MTMR14: variants seen among roughly 807,000 people sequenced by gnomAD.
The protein encoded by MTMR14 is myotubularin related protein 14, also known as phosphatidylinositol-3,5-bisphosphate 3-phosphatase MTMR14.
MTMR14 carries 48 observed loss-of-function variants against 86.3 expected under a neutral mutation model. The observed-to-expected ratio is 0.56, with a 90% CI of 0.44 to 0.71. The LOEUF (loss-of-function observed/expected upper bound fraction) is 0.71. Among genes scored for constraint, MTMR14 ranks in the 30% least tolerant of loss-of-function variants. The probability of loss-of-function intolerance (pLI) is 0.00; values close to 1 mark genes in which losing one functional copy is unlikely to be tolerated. For synonymous variants in MTMR14, 366 were observed against 326.1 expected (o/e 1.12, Z -1.32); for missense variants, 780 against 834.6 (o/e 0.93, Z 0.81).
intron 17 of MTMR14, among the ~76,000 whole-genome samples, chr3:9,693,476 C>T (rs771182497): frequency 1.1e-4 from 17 of 152,158 alleles, no homozygotes; most frequent in Non-Finnish European, 2.2e-4. Context: ...AGAAGCCTTA[C>T]CAATAACATA....
At chr3:9,665,329 T>A (rs2048186941) in intron 3 of MTMR14, among the ~76,000 whole-genome samples, 1 of 150,588 alleles carries the variant, frequency 6.6e-6, no homozygotes, top group Non-Finnish European at 1.5e-5. Context: ...TAAATACATG[T>A]ACCCACAAAA....
chr3:9,687,473 T>G lies in MTMR14; in HGVS notation c.1165-348T>G, dbSNP rs532551389. 5.3e-5 allele frequency among the ~76,000 whole-genome samples: 8 copies of G among 152,032 alleles called. No homozygotes were observed. In the East Asian group the frequency reaches 1.5e-3, roughly 29 times the overall value. Reference sequence around the variant, plus strand: ...GGGAGGCTGAGGCAGGAGAGTGGCTTGAACCCAGGAGGCTGAGCTTGCAGT... The same window carrying G: ...GGGAGGCTGAGGCAGGAGAGTGGCTGGAACCCAGGAGGCTGAGCTTGCAGT... On this transcript the variant is annotated intron_variant, in intron 13 of 18. Coordinates refer to ENST00000296003, the MANE Select transcript of MTMR14 (RefSeq NM_001077525.3).
rs944503907 is a variant in MTMR14 at position 9,677,474 on chromosome 3, CAACAAGCAGTCTTTGGGGAAAAT to C, written c.822+91_822+113del. 2 of 1,191,318 alleles carry C rather than the reference CAACAAGCAGTCTTTGGGGAAAAT, an allele frequency of 1.7e-6. No homozygotes were observed. Among genetic ancestry groups the C allele is most frequent in the African/African-American group, 3.0e-5 (2 of 66,612 alleles). 73.8% of individuals were successfully genotyped at this position (1,191,318 alleles called of 1,614,324 possible). Reference sequence around the variant, plus strand: ...AACAACAAGCAGTCTTTGGGGAAAACAACAAGCAGTCTTTGGGGAAAATAACTCCCCTTTCCTCCCTGATTGTT... The same window carrying C: ...AACAACAAGCAGTCTTTGGGGAAAACAACTCCCCTTTCCTCCCTGATTGTT... On this transcript the variant is annotated intron_variant, in intron 8 of 18. Transcript: ENST00000296003. This position sits in a 1 kb window ranked among gnomAD's most constrained non-coding sequence, Gnocchi z 4.2.
At chr3:9,697,454 C>T (rs185605553) in intron 17 of MTMR14, among the ~76,000 whole-genome samples, 1 of 152,204 alleles carries the variant, frequency 6.6e-6, no homozygotes, top group Non-Finnish European at 1.5e-5. Context: ...TTCACTCTTA[C>T]TGCCATGCTT....
intron 3 of MTMR14, among the ~76,000 whole-genome samples, chr3:9,664,863 TCAA>T (rs1468327335): frequency 6.6e-6 from 1 of 152,202 alleles, no homozygotes; most frequent in African/African-American, 2.4e-5. Context: ...GTGACTGCAG[TCAA>T]CAATAATTTA....
intron 5 of MTMR14, among the ~76,000 whole-genome samples, chr3:9,670,766 C>G (rs570874292): frequency 3.3e-5 from 5 of 152,344 alleles, no homozygotes; most frequent in Admixed American, 2.0e-4. Context: ...TTTGAGTCTT[C>G]TGGCTTAATG....
chr3:9,680,217 C>T (rs984221038), intron 9 of MTMR14, among the ~76,000 whole-genome samples: 3 of 152,206 alleles, frequency 2.0e-5, no homozygotes, highest in East Asian at 3.8e-4. Context: ...TTTGCTCCCA[C>T]CACATCCATC....
Position 9,669,509 on chromosome 3 carries a change from T to C in MTMR14, c.554+17T>C. 2 of 1,610,530 alleles carry C rather than the reference T, an allele frequency of 1.2e-6. No individual in the cohort carries two copies. The highest frequency in any genetic ancestry group is 8.5e-7 in the Non-Finnish European group (1 of 1,177,974). ...TGCTCTTCGGTCAGTGCTGGGTTGC[T>C]GTGGTCAGGGGCTTGTGTTGGGGAT... is the stretch of plus-strand genomic sequence containing the variant. On this transcript the variant is annotated intron_variant, in intron 5 of 18. Transcript: ENST00000296003.
intron 9 of MTMR14, among the ~76,000 whole-genome samples, chr3:9,681,489 C>G (rs1465287126): frequency 6.6e-6 from 1 of 152,176 alleles, no homozygotes; most frequent in Non-Finnish European, 1.5e-5. Context: ...ACAGTTTTTA[C>G]CAGTGGTCAC....
At chr3:9,676,828 C>T (rs2075596699) in intron 7 of MTMR14, among the ~76,000 whole-genome samples, 1 of 152,134 alleles carries the variant, frequency 6.6e-6, no homozygotes, top group Admixed American at 6.5e-5. Context: ...AGGCACTGTC[C>T]GTGGGCCTTT....
intron 7 of MTMR14, among the ~76,000 whole-genome samples, chr3:9,674,498 C>G (rs976994190): frequency 2.6e-5 from 4 of 152,106 alleles, no homozygotes; most frequent in Non-Finnish European, 5.9e-5. Flanking sequence ...ATAGAAGAAT[C>G]GAAAATGGGC....
At chr3:9,650,818 C>T (rs553432889) in intron 1 of MTMR14, among the ~76,000 whole-genome samples, 5 of 149,514 alleles carry the variant, frequency 3.3e-5, no homozygotes, top group Admixed American at 2.0e-4. Context: ...GAAGGAGTCT[C>T]GCTTTGTCGC....
At chr3:9,689,825 G>C in intron 16 of MTMR14, 139 bp from the exon 17 acceptor site, 1 of 819,522 alleles carries the variant, frequency 1.2e-6, no homozygotes, top group Non-Finnish European at 1.9e-6. Flanking sequence ...GCCCTGAGCT[G>C]GAGAGAGTGC....
intron 9 of MTMR14, among the ~76,000 whole-genome samples, chr3:9,682,034 C>T (rs1472408520): frequency 6.6e-6 from 1 of 152,214 alleles, no homozygotes; most frequent in Non-Finnish European, 1.5e-5. Context: ...CCCTAGCCCA[C>T]CTGACGCTCA....
chr3:9,677,774 A>G lies in MTMR14; in HGVS notation c.823-210A>G, dbSNP rs975774449. 6.6e-6 allele frequency among the ~76,000 whole-genome samples: 1 copy of G among 152,194 alleles called. No homozygotes were observed. The highest frequency in any genetic ancestry group is 1.5e-5 in the Non-Finnish European group (1 of 68,038). On this transcript the variant is annotated intron_variant, in intron 8 of 18. Coordinates refer to ENST00000296003, the MANE Select transcript of MTMR14 (RefSeq NM_001077525.3). The surrounding 1 kb of genome is among the most constrained non-coding windows in gnomAD (Gnocchi z 4.2). Reference sequence around the variant, plus strand: ...GATCTTGCATGTTTCAGCAACAGACATCAAATGTCCGACTGAAAAACTCCT... The same window carrying G: ...GATCTTGCATGTTTCAGCAACAGACGTCAAATGTCCGACTGAAAAACTCCT...
intron 17 of MTMR14, among the ~76,000 whole-genome samples, chr3:9,696,456 G>T (rs1042441402): frequency 6.6e-6 from 1 of 152,220 alleles, no homozygotes; most frequent in Non-Finnish European, 1.5e-5. Flanking sequence ...AGGTTGCAGT[G>T]AGCTGAGATC....
Position 9,677,935 on chromosome 3 carries a change from C to T in MTMR14, c.823-49C>T. 3.2e-6 allele frequency: 5 copies of T among 1,578,862 alleles called. No homozygotes were observed. The highest frequency in any genetic ancestry group is 4.3e-6 in the Non-Finnish European group (5 of 1,149,882). On this transcript the variant is annotated intron_variant, in intron 8 of 18. Transcript: ENST00000296003. The surrounding 1 kb of genome is among the most constrained non-coding windows in gnomAD (Gnocchi z 4.2). ...ACTGCAAGCTTCCCCATCACCTAAGCCTCCTCTGGTGGCCAACCCACATCT... is the reference window on the plus strand; with the variant it reads ...ACTGCAAGCTTCCCCATCACCTAAGTCTCCTCTGGTGGCCAACCCACATCT...
intron 9 of MTMR14, among the ~76,000 whole-genome samples, chr3:9,679,330 G>T (rs1322033066): frequency 6.6e-6 from 1 of 152,228 alleles, no homozygotes; most frequent in African/African-American, 2.4e-5. Flanking sequence ...TCATGTCCCA[G>T]GCTGTGCCTA....
chr3:9,665,997 T>G (rs1161230063), intron 3 of MTMR14, among the ~76,000 whole-genome samples: 2 of 151,192 alleles, frequency 1.3e-5, no homozygotes, highest in Non-Finnish European at 3.0e-5. Flanking sequence ...AAAGTGCTGG[T>G]ATTACAGGCG....
Sources: allele counts gnomAD v4.1 joint callset (sites outside exome capture counted in the v4.1 genomes callset), GRCh38; gene constraint gnomAD v4.1.1; non-coding constraint Gnocchi (gnomAD v3.1); transcripts MANE v1.5; gene names NCBI Gene and HGNC (gene_info 2026-07-23, HGNC 2026-07-21).